Variants in KLRG1 observed in about 807,000 individuals in gnomAD.
KLRG1 encodes the protein killer cell lectin like receptor G1.
In KLRG1, 16 loss-of-function variants were observed where a neutral mutation model predicts 21.8. The ratio of observed to expected loss-of-function variants is 0.73; its 90% CI spans 0.50 to 1.11. The LOEUF (loss-of-function observed/expected upper bound fraction) is 1.11. Ranked by LOEUF, KLRG1 falls within the 50% of genes most tolerant of loss-of-function variation. The probability of loss-of-function intolerance (pLI) is 0.00; values close to 1 mark genes in which losing one functional copy is unlikely to be tolerated. For synonymous variants in KLRG1, 69 were observed against 75.9 expected (o/e 0.91, Z 0.47); for missense variants, 173 against 218.3 (o/e 0.79, Z 1.31).
chr12:9,023,419 A>G, the KLRG1 span, among the ~76,000 whole-genome samples: 5 of 152,278 alleles, frequency 3.3e-5, no homozygotes, highest in Admixed American at 3.3e-4. Flanking sequence ...CTTTTGCATT[A>G]TAGCTTATTC....
At chr12:9,065,069 G>A in the KLRG1 span, 1 of 152,068 alleles carries the variant, frequency 6.6e-6, no homozygotes, top group Non-Finnish European at 1.5e-5. Flanking sequence ...GAGCCCCGGG[G>A]CCACGGGAAG....
chr12:9,170,337 C>A, the KLRG1 span, among the ~76,000 whole-genome samples: 2 of 152,174 alleles, frequency 1.3e-5, no homozygotes, highest in Admixed American at 1.3e-4. This position sits in a 1 kb window ranked among gnomAD's most constrained non-coding sequence, Gnocchi z 4.6. Flanking sequence ...GTCTGATACA[C>A]AAAGCTATGT....
chr12:8,950,523 A>G (rs1946179383), intron 1 of KLRG1, among the ~76,000 whole-genome samples: 1 of 152,202 alleles, frequency 6.6e-6, no homozygotes, highest in South Asian at 2.1e-4. Context: ...TCTCTTCAGA[A>G]TTAACAATTT....
intron 1 of KLRG1, among the ~76,000 whole-genome samples, chr12:8,973,909 A>G (rs1421589133): frequency 6.6e-6 from 1 of 152,068 alleles, no homozygotes; most frequent in Non-Finnish European, 1.5e-5. Flanking sequence ...TTGATTTTGT[A>G]TTCTGCAACT....
intron 1 of KLRG1, among the ~76,000 whole-genome samples, chr12:8,954,817 G>A (rs895835680): frequency 1.3e-5 from 2 of 152,098 alleles, no homozygotes; most frequent in Non-Finnish European, 2.9e-5. Context: ...TAAGCCATAC[G>A]ATGTGTGAAG....
chr12:9,077,642 A>G, the KLRG1 span: 7 of 1,591,168 alleles, frequency 4.4e-6, no homozygotes, highest in Non-Finnish European at 6.0e-6. Flanking sequence ...ATCACTTCCT[A>G]TCCTCATCCT....
the KLRG1 span, chr12:9,204,014 A>G: frequency 4.9e-6 from 7 of 1,425,402 alleles, no homozygotes; most frequent in East Asian, 1.4e-4. Context: ...TCATCCATAA[A>G]TGTGTTTTCA....
At chr12:9,084,044 G>A in the KLRG1 span, among the ~76,000 whole-genome samples, 2 of 152,032 alleles carry the variant, frequency 1.3e-5, no homozygotes, top group East Asian at 3.9e-4. Flanking sequence ...AGTACTGAAG[G>A]AAAACAAAAA....
chr12:9,113,586 A>C, the KLRG1 span: 1 of 1,577,268 alleles, frequency 6.3e-7, no homozygotes, highest in African/African-American at 1.4e-5. Flanking sequence ...GAAGGAAGAG[A>C]GGCATTGCTA....
At chr12:9,167,380 C>A in the KLRG1 span, 1 of 152,160 alleles carries the variant, frequency 6.6e-6, no homozygotes, top group Non-Finnish European at 1.5e-5. Flanking sequence ...TGCATCAAAG[C>A]TTTGTGTATC....
chr12:9,107,781 T>C, the KLRG1 span: 2 of 934,856 alleles, frequency 2.1e-6, no homozygotes, highest in Non-Finnish European at 1.5e-6. Flanking sequence ...TCACACAATA[T>C]TGAAGACAAG....
At chr12:9,050,928 G>A in the KLRG1 span, among the ~76,000 whole-genome samples, 1 of 152,214 alleles carries the variant, frequency 6.6e-6, no homozygotes, top group Non-Finnish European at 1.5e-5. Context: ...TTGGAATGAG[G>A]ACTTGGGAGC....
intron 1 of KLRG1, among the ~76,000 whole-genome samples, chr12:8,972,162 A>ATTTTTTT (rs200845638): frequency 6.7e-6 from 1 of 149,692 alleles, no homozygotes. Context: ...TCTTTAATCC[A>ATTTTTTT]TTTTTTCTTT....
the KLRG1 span, chr12:9,052,808 A>C: frequency 2.2e-6 from 1 of 453,444 alleles, no homozygotes; most frequent in Non-Finnish European, 4.4e-6. Flanking sequence ...TAGTATCTAC[A>C]TCATAATGTG....
chr12:9,123,573 A>G, the KLRG1 span, among the ~76,000 whole-genome samples: 1 of 152,180 alleles, frequency 6.6e-6, no homozygotes, highest in Admixed American at 6.5e-5. Flanking sequence ...CACACAATTG[A>G]AAATTTATGA....
At chr12:9,165,673 A>C in the KLRG1 span, among the ~76,000 whole-genome samples, 1 of 152,210 alleles carries the variant, frequency 6.6e-6, no homozygotes, top group Non-Finnish European at 1.5e-5. Flanking sequence ...AATCCCATAA[A>C]TAAGCATTTT....
At chr12:9,097,252 C>T in the KLRG1 span, among the ~76,000 whole-genome samples, 1 of 151,768 alleles carries the variant, frequency 6.6e-6, no homozygotes, top group Admixed American at 6.6e-5. Context: ...AGTTAAAATC[C>T]CATTAGAAGG....
At chr12:8,961,928 A>G (rs1304747240) in intron 1 of KLRG1, among the ~76,000 whole-genome samples, 1 of 152,138 alleles carries the variant, frequency 6.6e-6, no homozygotes, top group Non-Finnish European at 1.5e-5. Context: ...TCTACAAAAA[A>G]TTTAAAAATT....
chr12:9,180,692 A>G, the KLRG1 span, among the ~76,000 whole-genome samples: 1 of 152,264 alleles, frequency 6.6e-6, no homozygotes, highest in African/African-American at 2.4e-5. Flanking sequence ...AAAACCATAA[A>G]AACCCTAGAA....
Sources: allele counts gnomAD v4.1 joint callset (sites outside exome capture counted in the v4.1 genomes callset), GRCh38; gene constraint gnomAD v4.1.1; non-coding constraint Gnocchi (gnomAD v3.1); transcripts MANE v1.5; gene names NCBI Gene and HGNC (gene_info 2026-07-23, HGNC 2026-07-21).